ADD3: variants seen among roughly 807,000 people sequenced by gnomAD.
ADD3 encodes gamma-adducin.
In ADD3, 25 loss-of-function variants were observed where a neutral mutation model predicts 80.2. The ratio of observed to expected loss-of-function variants is 0.31; its 90% confidence interval spans 0.23 to 0.44. ADD3 has a LOEUF of 0.44. Among genes scored for constraint, ADD3 ranks in the 20% least tolerant of loss-of-function variants. The pLI is 1.00. For missense variants in ADD3, 829 were observed against 847.5 expected, an observed-to-expected ratio of 0.98 and a Z score of 0.27; for synonymous variants, 284 against 289.6, an observed-to-expected ratio of 0.98 and a Z score of 0.20.
chr10:110,082,998 A>G (rs1249003446), intron 1 of ADD3, among the ~76,000 whole-genome samples: 1 of 152,206 alleles, frequency 6.6e-6, no homozygotes, highest in Non-Finnish European at 1.5e-5. Context: ...GAATGGGGGT[A>G]TTATGAGTCA....
At chr10:110,012,727 A>T (rs1852468287) in intron 1 of ADD3, among the ~76,000 whole-genome samples, 1 of 151,900 alleles carries the variant, frequency 6.6e-6, no homozygotes, top group Non-Finnish European at 1.5e-5. Context: ...ATTGTACAAG[A>T]TGTATAGGCC....
chr10:110,084,876 C>T (rs1242799841), intron 1 of ADD3, among the ~76,000 whole-genome samples: 1 of 152,018 alleles, frequency 6.6e-6, no homozygotes, highest in Non-Finnish European at 1.5e-5. Context: ...ATAAACTTTC[C>T]TCCATAAATT....
chr10:110,005,989 TGCTGCTGCTGCTGCTGCCGCCGCCGCC>T (rs1005335696), upstream of ADD3: 34 of 225,880 alleles, frequency 1.5e-4, no homozygotes, highest in African/African-American at 2.8e-4. Context: ...CTGCTGCTAA[TGCTGCTGCTGCTGCTGCCGCCGCCGCC>T]GCTGCTGCTG....
At chr10:110,102,237 C>CA (rs780853096) in intron 2 of ADD3, among the ~76,000 whole-genome samples, 14 of 151,934 alleles carry the variant, frequency 9.2e-5, no homozygotes, top group Middle Eastern at 3.4e-3. Context: ...GGTTTATAAA[C>CA]ACTTGAAGAG....
chr10:110,044,984 C>T (rs555685214), intron 1 of ADD3, among the ~76,000 whole-genome samples: 3 of 152,194 alleles, frequency 2.0e-5, no homozygotes, highest in African/African-American at 2.4e-5. Flanking sequence ...TGAGGAAGAA[C>T]GTCAGTTATT....
intron 1 of ADD3, among the ~76,000 whole-genome samples, chr10:110,081,593 T>C (rs1232835190): frequency 6.6e-6 from 1 of 152,222 alleles, no homozygotes; most frequent in Non-Finnish European, 1.5e-5. Context: ...CACCAGTTTC[T>C]CACTAATTGA....
chr10:110,133,614 C>T lies in ADD3; in HGVS notation c.2117C>T (p.Ala706Val). 6.4e-7 allele frequency: 1 copy of T among 1,572,586 alleles called. No individual in the cohort carries two copies. Among genetic ancestry groups the T allele is most frequent in the Non-Finnish European group, 8.6e-7 (1 of 1,165,562 alleles). The change falls in exon 15 of 15, where the codon GCC (alanine) becomes GTC (valine). Residue 706 changes from alanine (A) to valine (V), a missense_variant. By Grantham distance (64) the Ala-to-Val change is moderately conservative (BLOSUM62 0). Transcript: ENST00000356080. ...AACAAAAAAAAGGAGAAAGTTGAGG[C>T]CTAAATAAAGTCTTTTTATAATTAT... is the stretch of plus-strand genomic sequence containing the variant. ...KKNKKKEKVEA is the reference protein window; with the variant it reads ...KKNKKKEKVEV
In ADD3 at chr10:110,119,262, C is replaced by G; in HGVS notation, c.769C>G (p.Leu257Val). Residue 257 changes from leucine (L) to valine (V), a missense_variant, in exon 7 of 15, where the codon CTG (leucine) becomes GTG (valine). By Grantham distance (32) the Leu-to-Val change is conservative. Transcript: ENST00000356080. ...TCCAATTTCTCAAGAGTCTCTTCTTCTGGGAGATGTTGCCTATTATGACTA... is the reference window on the plus strand; with the variant it reads ...TCCAATTTCTCAAGAGTCTCTTCTTGTGGGAGATGTTGCCTATTATGACTA... ...ILPISQESLLLGDVAYYDYQG... is the reference protein window; with the variant it reads ...ILPISQESLLVGDVAYYDYQG... 1 of 1,614,120 alleles carries G rather than the reference C, an allele frequency of 6.2e-7. No individual in the cohort carries two copies. Among genetic ancestry groups the G allele is most frequent in the Non-Finnish European group, 8.5e-7 (1 of 1,179,990 alleles).
At chr10:110,128,571 G>A (rs377671202) in intron 12 of ADD3, among the ~76,000 whole-genome samples, 25 of 151,628 alleles carry the variant, frequency 1.6e-4, no homozygotes, top group Admixed American at 9.2e-4. Context: ...GCCTGTCACC[G>A]TGCCCGACTA....
intron 1 of ADD3, among the ~76,000 whole-genome samples, chr10:109,998,762 A>G (rs1387413128): frequency 1.3e-5 from 2 of 152,128 alleles, no homozygotes; most frequent in African/African-American, 4.8e-5. Context: ...GCTGCCGACT[A>G]CAGATCATTC....
At chr10:109,999,360 C>T (rs375628658) in intron 1 of ADD3, among the ~76,000 whole-genome samples, 7 of 152,178 alleles carry the variant, frequency 4.6e-5, no homozygotes, top group East Asian at 1.9e-4. Flanking sequence ...CACATGCATA[C>T]GCTTCCTCCT....
At chr10:110,071,011 C>A (rs1844634036) in intron 1 of ADD3, among the ~76,000 whole-genome samples, 1 of 145,264 alleles carries the variant, frequency 6.9e-6, no homozygotes, top group African/African-American at 2.6e-5. Flanking sequence ...CCAGCTTTGC[C>A]TCCTACCTAT....
intron 1 of ADD3, among the ~76,000 whole-genome samples, chr10:110,090,380 C>T (rs561640506): frequency 1.6e-4 from 24 of 152,046 alleles, no homozygotes; most frequent in African/African-American, 5.8e-4. Flanking sequence ...TCACCACGCC[C>T]AGCTAATGTT....
At chr10:110,042,353 A>G (rs1282183510) in intron 1 of ADD3, among the ~76,000 whole-genome samples, 3 of 152,180 alleles carry the variant, frequency 2.0e-5, no homozygotes, top group Non-Finnish European at 4.4e-5. Flanking sequence ...TAAGGCAGCC[A>G]GGAGGTGACA....
At chr10:110,053,859 A>G (rs770937683) in intron 1 of ADD3, among the ~76,000 whole-genome samples, 3 of 152,248 alleles carry the variant, frequency 2.0e-5, no homozygotes, top group Non-Finnish European at 4.4e-5. Context: ...TTGACTTGTC[A>G]GTTACATTTC....
intron 1 of ADD3, among the ~76,000 whole-genome samples, chr10:110,039,432 CAG>C (rs1856035150): frequency 1.3e-5 from 2 of 152,100 alleles, no homozygotes; most frequent in East Asian, 3.9e-4. Flanking sequence ...GATGCAGTGG[CAG>C]AGAGTCCCAG....
chr10:110,061,699 C>T (rs1858911181), intron 1 of ADD3, among the ~76,000 whole-genome samples: 1 of 152,166 alleles, frequency 6.6e-6, no homozygotes, highest in South Asian at 2.1e-4. Flanking sequence ...GTACCATAAT[C>T]ATCCTTGTAA....
chr10:110,101,329 T>C (rs1848784057), intron 2 of ADD3, among the ~76,000 whole-genome samples: 1 of 152,120 alleles, frequency 6.6e-6, no homozygotes, highest in Non-Finnish European at 1.5e-5. Context: ...CACACTAAAT[T>C]AACTAAATTA....
Position 110,120,933 on chromosome 10 carries a change from A to G in ADD3, c.961-1177A>G, listed in dbSNP as rs368664521. ...CCTATTTAATAAATGGTGCTGGGAA[A>G]ACTGGCTAGCCATATGTAGAAAGCT... On this transcript the variant is annotated intron_variant, in intron 8 of 14. Transcript: ENST00000356080. Among the ~76,000 whole-genome samples, 3 of 152,190 alleles carry G rather than the reference A, an allele frequency of 2.0e-5. No individual in the cohort carries two copies. The East Asian group carries it at 5.8e-4, about 29-fold the overall frequency.
Sources: gnomAD v4.1 joint callset for allele counts (sites outside exome capture counted in the v4.1 genomes callset) on GRCh38, gnomAD v4.1.1 for gene constraint, MANE v1.5 for transcripts, NCBI Gene and HGNC (gene_info 2026-07-23, HGNC 2026-07-21) for gene names.